The following CALN1 variants were observed in gnomAD, a reference collection of about 807,000 sequenced individuals.
The protein encoded by CALN1 is calneuron 1, also known as calcium-binding protein 8.
CALN1 carries 17 observed loss-of-function variants against 30.6 expected under a neutral mutation model. That is an observed-to-expected ratio of 0.56 (90% CI 0.38 to 0.83). The LOEUF (loss-of-function observed/expected upper bound fraction) is 0.83. Ranked by LOEUF, CALN1 falls within the 40% of genes least tolerant of loss-of-function variation. The probability of loss-of-function intolerance (pLI) is 0.00; values close to 1 mark genes in which losing one functional copy is unlikely to be tolerated. For missense variants in CALN1, 291 were observed against 354.9 expected (o/e 0.82, Z 1.45); for synonymous variants, 156 against 131.4 (o/e 1.19, Z -1.28).
intron 5 of CALN1, among the ~76,000 whole-genome samples, chr7:71,947,567 C>G (rs1796468760): frequency 6.6e-6 from 1 of 152,176 alleles, no homozygotes; most frequent in South Asian, 2.1e-4. Flanking sequence ...GAAAATTATA[C>G]TGGAGGTTTT....
Position 72,138,763 on chromosome 7 carries a change from C to G in CALN1, c.245-32469G>C, listed in dbSNP as rs141107203. On this transcript the variant is annotated intron_variant, in intron 3 of 6. Transcript: ENST00000395275. ...GCACATGAAAGAACCATTGGTCGGC[C>G]TCTCTCCCCTGGGTCCCCCCACAAT... Among the ~76,000 whole-genome samples the G allele has an allele frequency of 4.1e-3, 627 of 152,254 alleles. 5 individuals are homozygous for G. The highest frequency in any genetic ancestry group is 0.014 in the African/African-American group (601 of 41,532).
chr7:72,380,843 A>G lies in CALN1; in HGVS notation c.119+22408T>C, dbSNP rs1352834221. On this transcript the variant is annotated intron_variant, in intron 2 of 6. Coordinates refer to ENST00000395275, the MANE Select transcript of CALN1 (RefSeq NM_031468.4). ...GGCAACAGAGCAAGACTCTGTCTCA[A>G]AAAGAAAAGAAACAAGTAAATTTTA... Among the ~76,000 whole-genome samples, 3 of 152,170 alleles carry G rather than the reference A, an allele frequency of 2.0e-5. No homozygotes were observed. The East Asian group carries it at 5.8e-4, about 29-fold the overall frequency.
chr7:72,410,640 A>G lies in CALN1; in HGVS notation c.-74+1418T>C, dbSNP rs912929638. Among the ~76,000 whole-genome samples, 13 of 152,232 alleles carry G rather than the reference A, an allele frequency of 8.5e-5. 1 individual carries two copies. The highest frequency in any genetic ancestry group is 2.2e-4 in the African/African-American group (9 of 41,454). ...CCTTCATGTCCTGGCTTAAATTCGC[A>G]TAAGCAAAACACCCTAAACCCTGGT... On this transcript the variant is annotated intron_variant, in intron 1 of 6. Transcript: ENST00000395275.
At chr7:72,061,135 CA>C (rs1236204641) in intron 4 of CALN1, among the ~76,000 whole-genome samples, 1 of 152,192 alleles carries the variant, frequency 6.6e-6, no homozygotes, top group Non-Finnish European at 1.5e-5. Context: ...CCAACCAACT[CA>C]ATCTGCCTGC....
intron 6 of CALN1, among the ~76,000 whole-genome samples, chr7:71,792,710 A>G (rs1786642600): frequency 6.6e-6 from 1 of 152,154 alleles, no homozygotes. Flanking sequence ...CTTTCTGGCT[A>G]ATTTATTCTG....
chr7:72,403,784 G>C (rs1189510772), intron 1 of CALN1, among the ~76,000 whole-genome samples: 1 of 152,166 alleles, frequency 6.6e-6, no homozygotes, highest in Non-Finnish European at 1.5e-5. Context: ...CAACTTGCAA[G>C]GAAGCAAAAC....
chr7:72,081,224 A>G (rs554747016), intron 4 of CALN1, among the ~76,000 whole-genome samples: 34 of 152,288 alleles, frequency 2.2e-4, no homozygotes, highest in African/African-American at 8.2e-4. Context: ...AGAAACCAAA[A>G]GAAACATAGT....
intron 5 of CALN1, among the ~76,000 whole-genome samples, chr7:71,999,566 T>TGC (rs1799424941): frequency 6.6e-6 from 1 of 151,392 alleles, no homozygotes; most frequent in African/African-American, 2.4e-5. Context: ...CAGGCTGGAG[T>TGC]GCAGTGGCAT....
intron 5 of CALN1, among the ~76,000 whole-genome samples, chr7:72,016,671 C>T (rs946449450): frequency 1.3e-5 from 2 of 151,768 alleles, no homozygotes; most frequent in Non-Finnish European, 2.9e-5. Flanking sequence ...CCTGCTTTGG[C>T]CTCCTGAAGT....
At chr7:72,064,530 C>G (rs1318480576) in intron 4 of CALN1, among the ~76,000 whole-genome samples, 1 of 152,042 alleles carries the variant, frequency 6.6e-6, no homozygotes, top group Non-Finnish European at 1.5e-5. Context: ...GGTTTTGTAG[C>G]CAGCAAATCC....
chr7:72,492,777 C>T, the CALN1 span, among the ~76,000 whole-genome samples: 1 of 152,216 alleles, frequency 6.6e-6, no homozygotes, highest in Non-Finnish European at 1.5e-5. Flanking sequence ...TCAGAAAATA[C>T]ACTGGCTGCC....
intron 4 of CALN1, among the ~76,000 whole-genome samples, chr7:72,030,695 T>C (rs1215916116): frequency 6.6e-6 from 1 of 152,086 alleles, no homozygotes; most frequent in African/African-American, 2.4e-5. Flanking sequence ...ATATCTAACA[T>C]TTACTGGGCA....
intron 3 of CALN1, among the ~76,000 whole-genome samples, chr7:72,234,370 T>G (rs1163767220): frequency 6.6e-6 from 1 of 152,154 alleles, no homozygotes; most frequent in Non-Finnish European, 1.5e-5. Flanking sequence ...TTAGTTAGGG[T>G]GGCCTCTGAC....
intron 5 of CALN1, among the ~76,000 whole-genome samples, chr7:71,878,481 A>G (rs1792379562): frequency 6.6e-6 from 1 of 152,170 alleles, no homozygotes; most frequent in Non-Finnish European, 1.5e-5. Flanking sequence ...CCTATGAGAC[A>G]GCTGGTACAG....
chr7:72,131,280 A>T (rs1173440343), intron 3 of CALN1, among the ~76,000 whole-genome samples: 2 of 152,254 alleles, frequency 1.3e-5, no homozygotes, highest in East Asian at 3.9e-4. Context: ...ATCCTTAAAG[A>T]TGAATGGTAA....
chr7:72,297,584 C>T (rs984108413), intron 2 of CALN1, among the ~76,000 whole-genome samples: 4 of 152,170 alleles, frequency 2.6e-5, no homozygotes, highest in Non-Finnish European at 2.9e-5. Flanking sequence ...ATTATTCACA[C>T]TTATTGAAAA....
chr7:71,790,583 T>C (rs1162377704), intron 6 of CALN1, among the ~76,000 whole-genome samples: 1 of 152,196 alleles, frequency 6.6e-6, no homozygotes, highest in African/African-American at 2.4e-5. Context: ...TTGTGCACGG[T>C]TCCCCAGATA....
intron 5 of CALN1, among the ~76,000 whole-genome samples, chr7:71,906,586 A>G (rs71551235): frequency 0.086 from 13,041 of 152,168 alleles, 959 homozygotes; most frequent in East Asian, 0.42. Context: ...GGTATCACCG[A>G]TGGTGGTACC....
intron 2 of CALN1, among the ~76,000 whole-genome samples, chr7:72,286,344 T>C (rs1397963884): frequency 6.6e-6 from 1 of 152,144 alleles, no homozygotes; most frequent in Non-Finnish European, 1.5e-5. Context: ...ACTCCCAGTA[T>C]GCAAGGTGGC....
Sources: gnomAD v4.1 joint callset for allele counts (sites outside exome capture counted in the v4.1 genomes callset) on GRCh38, gnomAD v4.1.1 for gene constraint, MANE v1.5 for transcripts, NCBI Gene and HGNC (gene_info 2026-07-23, HGNC 2026-07-21) for gene names.